Variants in ABCC1 observed in about 807,000 individuals in gnomAD.
ABCC1 encodes the protein ATP binding cassette subfamily C member 1 (ABCC1 blood group), also known as multidrug resistance-associated protein 1.
Under a neutral mutation model 172.9 loss-of-function variants are expected in ABCC1, and 83 were observed. The ratio of observed to expected loss-of-function variants is 0.48; its 90% CI spans 0.40 to 0.58. ABCC1 has a LOEUF of 0.58. Ranked by LOEUF, ABCC1 falls within the 20% of genes least tolerant of loss-of-function variation. The probability of loss-of-function intolerance (pLI) is 0.00; values close to 1 mark genes in which losing one functional copy is unlikely to be tolerated. For synonymous variants in ABCC1, 937 were observed against 825.2 expected (o/e 1.14, Z -2.32); for missense variants, 1,817 against 2,002.7 (o/e 0.91, Z 1.77).
At chr16:15,988,059 G>A (rs1276365481) in intron 1 of ABCC1, among the ~76,000 whole-genome samples, 1 of 152,168 alleles carries the variant, frequency 6.6e-6, no homozygotes, top group Non-Finnish European at 1.5e-5. Flanking sequence ...CCAGGTTCAA[G>A]GGATTCTCGT....
intron 1 of ABCC1, among the ~76,000 whole-genome samples, chr16:16,005,069 CTTT>C (rs36027088): frequency 7.4e-6 from 1 of 134,466 alleles, no homozygotes; most frequent in African/African-American, 2.8e-5. Context: ...TCATTTTTAA[CTTT>C]TTTTTTTTTT....
intron 1 of ABCC1, among the ~76,000 whole-genome samples, chr16:15,988,220 A>G (rs1197520637): frequency 1.3e-5 from 2 of 152,110 alleles, no homozygotes; most frequent in African/African-American, 2.4e-5. Flanking sequence ...GCCTGGCTCA[A>G]TCCTGTATTT....
chr16:16,057,808 C>T (rs1219900083), intron 12 of ABCC1, among the ~76,000 whole-genome samples: 1 of 152,086 alleles, frequency 6.6e-6, no homozygotes, highest in African/African-American at 2.4e-5. Flanking sequence ...TGGGGTCTCG[C>T]TCTGTCCCCC....
chr16:15,999,813 T>TCTCTC (rs2094801523), intron 1 of ABCC1, among the ~76,000 whole-genome samples: 19 of 55,110 alleles, frequency 3.4e-4, no homozygotes, highest in African/African-American at 1.2e-3. Flanking sequence ...CTCTCTCCTC[T>TCTCTC]CTCTCTCTCT....
At chr16:16,020,770 C>T (rs191676402) in intron 5 of ABCC1, among the ~76,000 whole-genome samples, 3 of 152,286 alleles carry the variant, frequency 2.0e-5, no homozygotes, top group Non-Finnish European at 4.4e-5. Flanking sequence ...TAGATGCTTG[C>T]GGTGTACTGG....
intron 1 of ABCC1, among the ~76,000 whole-genome samples, chr16:15,982,803 C>CAAAAAAAAAAAAAAA (rs148834444): frequency 0.13 from 5,686 of 42,810 alleles, 1,623 homozygotes; most frequent in Non-Finnish European, 0.19. Flanking sequence ...GAGACGCTGT[C>CAAAAAAAAAAAAAAA]AAAAAAAAAA....
chr16:16,111,540 A>G lies in ABCC1; in HGVS notation c.3037A>G (p.Lys1013Glu), dbSNP rs754904461. 2.5e-6 allele frequency: 4 copies of G among 1,613,930 alleles called. No individual in the cohort carries two copies. The highest frequency in any genetic ancestry group is 3.3e-5 in the Admixed American group (2 of 60,000). ...CGTCAACGGGACTCAGGAGCACACG[A>G]AAGTCCGGCTGAGCGTCTATGGAGC... is the stretch of plus-strand genomic sequence containing the variant. Reference protein sequence around the residue: ...PIVNGTQEHTKVRLSVYGALG... With the variant: ...PIVNGTQEHTEVRLSVYGALG... The change falls in exon 22 of 31, where the codon AAA (lysine) becomes GAA (glutamate). Residue 1013 changes from lysine (K) to glutamate (E), a missense_variant. Coordinates refer to ENST00000399410, the MANE Select transcript of ABCC1 (RefSeq NM_004996.4).
chr16:16,081,802 C>T (rs1231959940), intron 16 of ABCC1, among the ~76,000 whole-genome samples: 2 of 151,978 alleles, frequency 1.3e-5, no homozygotes, highest in Non-Finnish European at 2.9e-5. Context: ...GGTTGATCAC[C>T]TGAGGTCAGG....
intron 1 of ABCC1, among the ~76,000 whole-genome samples, chr16:15,962,315 G>A (rs2046151809): frequency 6.6e-6 from 1 of 152,192 alleles, no homozygotes; most frequent in Non-Finnish European, 1.5e-5. Flanking sequence ...ATTTAACAAT[G>A]TGTAAAAACA....
At chr16:15,952,361 TCCTGTTGTGA>T (rs2045892725) in intron 1 of ABCC1, among the ~76,000 whole-genome samples, 1 of 152,110 alleles carries the variant, frequency 6.6e-6, no homozygotes, top group Non-Finnish European at 1.5e-5. Flanking sequence ...CGTGCCTGGC[TCCTGTTGTGA>T]CCAAGGTCAT....
At chr16:16,082,010 C>T (rs2050822435) in intron 16 of ABCC1, among the ~76,000 whole-genome samples, 1 of 151,976 alleles carries the variant, frequency 6.6e-6, no homozygotes, top group Admixed American at 6.6e-5. Context: ...AGCAAGGCTT[C>T]GTTTCAAAAA....
chr16:15,949,241 G>T (rs2045790983), upstream of ABCC1, among the ~76,000 whole-genome samples: 2 of 149,762 alleles, frequency 1.3e-5, no homozygotes, highest in South Asian at 2.2e-4. Flanking sequence ...CAGTTAAGGC[G>T]CCCGGTACAC....
Position 16,136,417 on chromosome 16 carries a change from C to T in ABCC1, c.4126-61C>T, listed in dbSNP as rs2045919485. On this transcript the variant is annotated intron_variant, in intron 28 of 30. Transcript: ENST00000399410. ...TCCTGGCCAGAAGTCCTTAGGTCGCCTCCATCCATGTCAGCGTGACACAGG... is the reference window on the plus strand; with the variant it reads ...TCCTGGCCAGAAGTCCTTAGGTCGCTTCCATCCATGTCAGCGTGACACAGG... The T allele has an allele frequency of 4.4e-6, 7 of 1,583,778 alleles. No homozygotes were observed. The South Asian group carries it at 5.7e-5, about 13-fold the overall frequency.
chr16:15,984,559 C>T (rs2046702093), intron 1 of ABCC1, among the ~76,000 whole-genome samples: 2 of 151,320 alleles, frequency 1.3e-5, no homozygotes, highest in South Asian at 4.2e-4. Context: ...TCTCCTGCCT[C>T]AGCCTTCTGA....
chr16:16,052,795 G>C lies in ABCC1; in HGVS notation c.1452G>C (p.Ala484=). The C allele has an allele frequency of 6.2e-7, 1 of 1,614,128 alleles. No individual in the cohort carries two copies. The highest frequency in any genetic ancestry group is 1.1e-5 in the South Asian group (1 of 91,080). Residue 484 remains alanine (A), a synonymous_variant, in exon 11 of 31, where the codon GCG becomes GCC. Transcript: ENST00000399410. ...VLMVPVNAVM[A]MKTKTYQVAH... ...TGGTGCCCGTCAATGCTGTGATGGC[G>C]ATGAAGACCAAGACGTATCAGGTAA...
At chr16:16,066,173 C>T (rs1477577467) in intron 12 of ABCC1, among the ~76,000 whole-genome samples, 1 of 151,334 alleles carries the variant, frequency 6.6e-6, no homozygotes. Flanking sequence ...CAACAGGTGG[C>T]CTTTTCTGAC....
intron 26 of ABCC1, among the ~76,000 whole-genome samples, chr16:16,131,176 G>T (rs2045658272): frequency 6.6e-6 from 1 of 152,262 alleles, no homozygotes; most frequent in East Asian, 1.9e-4. Context: ...TTAAAAGAAT[G>T]GTGAGCATGA....
chr16:16,065,830 G>A (rs767835307), intron 12 of ABCC1, among the ~76,000 whole-genome samples: 4 of 152,038 alleles, frequency 2.6e-5, no homozygotes, highest in African/African-American at 9.7e-5. Flanking sequence ...CTCCCTCCTC[G>A]GCCTTGCAAA....
intron 5 of ABCC1, among the ~76,000 whole-genome samples, chr16:16,029,227 C>A (rs1191902932): frequency 1.3e-5 from 2 of 151,878 alleles, no homozygotes; most frequent in Non-Finnish European, 1.5e-5. Flanking sequence ...TTTTTCTTTT[C>A]TTTTTATTTA....
Sources: allele counts gnomAD v4.1 joint callset (sites outside exome capture counted in the v4.1 genomes callset), GRCh38; gene constraint gnomAD v4.1.1; transcripts MANE v1.5; gene names NCBI Gene and HGNC (gene_info 2026-07-23, HGNC 2026-07-21).